The following CEMIP variants were observed in gnomAD, a reference collection of about 807,000 sequenced individuals.
The protein encoded by CEMIP is cell migration inducing hyaluronidase 1, also known as cell migration-inducing and hyaluronan-binding protein.
In CEMIP, 105 loss-of-function variants were observed where a neutral mutation model predicts 156.9. The observed-to-expected ratio is 0.67, with a 90% CI of 0.57 to 0.79. The LOEUF (loss-of-function observed/expected upper bound fraction) is 0.79. Ranked by LOEUF, CEMIP falls within the 30% of genes least tolerant of loss-of-function variation. The pLI is 0.00. For missense variants in CEMIP, 1,457 were observed against 1,769.4 expected, an observed-to-expected ratio of 0.82 and a Z score of 3.17; for synonymous variants, 676 against 668.4, an observed-to-expected ratio of 1.01 and a Z score of -0.17.
At chr15:80,929,410 C>T (rs891517669) in intron 21 of CEMIP, among the ~76,000 whole-genome samples, 2 of 152,156 alleles carry the variant, frequency 1.3e-5, no homozygotes, top group Admixed American at 6.5e-5. Flanking sequence ...CATCAAAATG[C>T]GTAATGCATT....
chr15:80,866,592 AAAATAAATAAATAAATAAATAAAT>A (rs3087304), intron 1 of CEMIP, among the ~76,000 whole-genome samples: 1 of 130,204 alleles, frequency 7.7e-6, no homozygotes, highest in Non-Finnish European at 1.6e-5. Context: ...CTCTGTCTTA[AAAATAAATAAATAAATAAATAAAT>A]AAATAAATAA....
chr15:80,919,380 G>A (rs1033132758), intron 14 of CEMIP, among the ~76,000 whole-genome samples: 4 of 152,204 alleles, frequency 2.6e-5, no homozygotes, highest in African/African-American at 9.6e-5. Flanking sequence ...TCAGCTGTGT[G>A]CTCCATCAGG....
chr15:80,895,709 A>C (rs1179327444), intron 11 of CEMIP, among the ~76,000 whole-genome samples, 160 bp from the exon 12 acceptor site: 1 of 151,962 alleles, frequency 6.6e-6, no homozygotes, highest in African/African-American at 2.4e-5. Context: ...TGACTTCAAA[A>C]ACCTTTACCA....
chr15:80,925,292 G>C (rs1381671535), intron 18 of CEMIP, among the ~76,000 whole-genome samples: 2 of 152,204 alleles, frequency 1.3e-5, no homozygotes, highest in Admixed American at 6.5e-5. Context: ...GAAGAGCTGG[G>C]TATCTCCAGA....
Position 80,920,184 on chromosome 15 carries a change from G to A in CEMIP, c.1888G>A (p.Gly630Ser). 1.2e-6 allele frequency: 2 copies of A among 1,614,184 alleles called. No individual in the cohort carries two copies. Among genetic ancestry groups the A allele is most frequent in the Non-Finnish European group, 1.7e-6 (2 of 1,180,034 alleles). ...EERNTFDHCL[G>S]LLVKSGTLLP... Reference sequence around the variant, plus strand: ...ACGCAACACTTTTGACCACTGTCTTGGCCTCCTTGTCAAGTCTGGAACCCT... The same window carrying A: ...ACGCAACACTTTTGACCACTGTCTTAGCCTCCTTGTCAAGTCTGGAACCCT... Residue 630 changes from glycine to serine, a missense_variant, in exon 15 of 30, where the codon GGC becomes AGC. Coordinates refer to ENST00000394685, the MANE Select transcript of CEMIP (RefSeq NM_001293298.2).
intron 8 of CEMIP, among the ~76,000 whole-genome samples, chr15:80,888,250 T>C (rs909865760): frequency 6.6e-6 from 1 of 151,594 alleles, no homozygotes; most frequent in South Asian, 2.1e-4. Flanking sequence ...TGGGCACCTG[T>C]AGTCCCAGCT....
chr15:80,933,352 G>A lies in CEMIP; in HGVS notation c.2901G>A (p.Glu967=), dbSNP rs1162206046. The change falls in exon 23 of 30, where the codon GAG becomes GAA. Residue 967 remains glutamate (E), a synonymous_variant. Transcript: ENST00000394685. The part of the protein sequence containing the change: ...VFHDVDGSVS[E]YPGSYLTKND... ...ATGACGTCGACGGCTCCGTGTCCGAGTACCCTGGCTCCTACCTCACGAAGA... is the reference window on the plus strand; with the variant it reads ...ATGACGTCGACGGCTCCGTGTCCGAATACCCTGGCTCCTACCTCACGAAGA... 1 of 1,614,044 alleles carries A rather than the reference G, an allele frequency of 6.2e-7. No homozygotes were observed. Among genetic ancestry groups the A allele is most frequent in the East Asian group, 2.2e-5 (1 of 44,886 alleles).
At chr15:80,847,977 C>A (rs1897604489) in intron 1 of CEMIP, among the ~76,000 whole-genome samples, 1 of 152,194 alleles carries the variant, frequency 6.6e-6, no homozygotes, top group South Asian at 2.1e-4. Flanking sequence ...ATGTGCATCT[C>A]CTCCTCAAAT....
intron 13 of CEMIP, among the ~76,000 whole-genome samples, chr15:80,907,682 A>G (rs530220915): frequency 6.6e-6 from 1 of 152,380 alleles, no homozygotes; most frequent in East Asian, 1.9e-4. Context: ...CGCACAATAT[A>G]GGAAAACGAT....
chr15:80,815,140 A>G (rs559057992), intron 1 of CEMIP, among the ~76,000 whole-genome samples: 1 of 152,380 alleles, frequency 6.6e-6, no homozygotes, highest in Non-Finnish European at 1.5e-5. Context: ...CATGTAAGAC[A>G]GAGTAGAGAA....
chr15:80,841,118 G>A (rs539348490), intron 1 of CEMIP, among the ~76,000 whole-genome samples: 108 of 152,340 alleles, frequency 7.1e-4, no homozygotes, highest in African/African-American at 2.5e-3. Flanking sequence ...TTTGCCAGCT[G>A]ATGGCTGCCA....
intron 26 of CEMIP, 44 bp downstream of exon 26, chr15:80,942,097 C>T (rs760121548): frequency 1.2e-5 from 19 of 1,584,134 alleles, no homozygotes; most frequent in Middle Eastern, 1.7e-4. Flanking sequence ...GCCGTCCAGT[C>T]GGGCCTAGAG....
chr15:80,839,022 G>GCA (rs1453442033), intron 1 of CEMIP, among the ~76,000 whole-genome samples: 3 of 152,210 alleles, frequency 2.0e-5, no homozygotes, highest in Non-Finnish European at 2.9e-5. Flanking sequence ...GCCACCCGCA[G>GCA]GCGTCTTGGT....
intron 1 of CEMIP, among the ~76,000 whole-genome samples, chr15:80,870,379 C>T (rs1898248764): frequency 6.6e-6 from 1 of 152,100 alleles, no homozygotes; most frequent in African/African-American, 2.4e-5. Flanking sequence ...TCCAATAATC[C>T]CTAGAACAGA....
At chr15:80,832,439 T>C (rs1012607764) in intron 1 of CEMIP, among the ~76,000 whole-genome samples, 3 of 151,574 alleles carry the variant, frequency 2.0e-5, no homozygotes, top group Non-Finnish European at 4.4e-5. Context: ...GTCCAAAAGT[T>C]GGTCAAAACT....
intron 1 of CEMIP, among the ~76,000 whole-genome samples, chr15:80,858,774 G>C (rs1453888333): frequency 6.6e-6 from 1 of 152,036 alleles, no homozygotes; most frequent in Non-Finnish European, 1.5e-5. Flanking sequence ...TTCTCCTTTT[G>C]GCTTCTTATT....
intron 11 of CEMIP, among the ~76,000 whole-genome samples, chr15:80,895,492 A>G (rs1899187775): frequency 6.6e-6 from 1 of 152,176 alleles, no homozygotes; most frequent in African/African-American, 2.4e-5. Context: ...GCACTTGGCC[A>G]TCTCCAGAAG....
In CEMIP at chr15:80,936,696, C is replaced by G. The variant is rs1311608243; in HGVS notation, c.3032C>G (p.Thr1011Ser). The change falls in exon 24 of 30, where the codon ACC (threonine) becomes AGC (serine). Residue 1011 changes from threonine to serine, a missense_variant. Thr to Ser is a moderately conservative substitution (Grantham distance 58). Around this residue, in one of 5 missense-constraint regions of CEMIP, gnomAD observed 798 missense variants for 980.1 expected, o/e 0.81. Coordinates refer to ENST00000394685, the MANE Select transcript of CEMIP (RefSeq NM_001293298.2). ...AAGATGTACATTCAAGCCTACAAGA[C>G]CAGTAACCTGCGAATGAAGATCATC... is the stretch of plus-strand genomic sequence containing the variant. ...YAQMYIQAYK[T>S]SNLRMKIIKN... The G allele has an allele frequency of 6.2e-7, 1 of 1,614,028 alleles. No homozygotes were observed.
intron 1 of CEMIP, among the ~76,000 whole-genome samples, chr15:80,794,388 G>C (rs982057981): frequency 2.6e-5 from 4 of 152,126 alleles, no homozygotes; most frequent in African/African-American, 9.7e-5. Flanking sequence ...GCTAGGCTCT[G>C]GGGATGCAGC....
Sources: gnomAD v4.1 joint callset for allele counts (sites outside exome capture counted in the v4.1 genomes callset) on GRCh38, gnomAD v4.1.1 for gene constraint, gnomAD v4.1.1 regional missense constraint, MANE v1.5 for transcripts, NCBI Gene and HGNC (gene_info 2026-07-23, HGNC 2026-07-21) for gene names.